The following EVI5 variants were observed in gnomAD, a reference collection of about 807,000 sequenced individuals.
The protein encoded by EVI5 is ecotropic viral integration site 5 protein homolog.
In EVI5, 73 loss-of-function variants were observed where a neutral mutation model predicts 112.0. The observed-to-expected ratio is 0.65, with a 90% CI of 0.54 to 0.79. The LOEUF (loss-of-function observed/expected upper bound fraction) is 0.79, where lower values mean the gene tolerates loss of function less well. EVI5 is among the 30% of genes least tolerant of loss of function. EVI5 has a pLI of 0.00. For synonymous variants in EVI5, 305 were observed against 319.9 expected (o/e 0.95, Z 0.50); for missense variants, 900 against 968.8 (o/e 0.93, Z 0.94).
intron 1 of EVI5, among the ~76,000 whole-genome samples, chr1:92,765,666 G>A (rs1682516930): frequency 1.3e-5 from 2 of 151,994 alleles, no homozygotes; most frequent in South Asian, 4.2e-4. Flanking sequence ...AATTTTGCTG[G>A]ATTCCCTACC....
At chr1:92,548,454 C>G (rs1048390804) in intron 19 of EVI5, among the ~76,000 whole-genome samples, 23 of 152,178 alleles carry the variant, frequency 1.5e-4, no homozygotes, top group African/African-American at 5.3e-4. Flanking sequence ...GGGATGCCCT[C>G]TCACCACTCC....
At chr1:92,706,672 C>T (rs1418662978) in intron 2 of EVI5, among the ~76,000 whole-genome samples, 1 of 152,088 alleles carries the variant, frequency 6.6e-6, no homozygotes, top group Non-Finnish European at 1.5e-5. Flanking sequence ...CAAGTGAATT[C>T]GTGGCATTCG....
intron 18 of EVI5, among the ~76,000 whole-genome samples, chr1:92,589,253 T>G (rs1673314234): frequency 1.3e-5 from 2 of 152,142 alleles, no homozygotes; most frequent in Admixed American, 6.5e-5. Context: ...CACTGGGGAT[T>G]GTCAGACAAG....
At chr1:92,530,209 G>C (rs1409212252) in intron 19 of EVI5, among the ~76,000 whole-genome samples, 1 of 152,178 alleles carries the variant, frequency 6.6e-6, no homozygotes, top group Non-Finnish European at 1.5e-5. Context: ...GTGGTAGCAA[G>C]GCCACTGAGG....
intron 13 of EVI5, among the ~76,000 whole-genome samples, chr1:92,644,786 T>C (rs2101988703): frequency 6.6e-6 from 1 of 152,280 alleles, no homozygotes; most frequent in East Asian, 1.9e-4. Context: ...GACCCATGGG[T>C]AAAAACGTAT....
chr1:92,626,023 T>C, intron 14 of EVI5, 89 bp from the exon 15 acceptor site: 1 of 754,586 alleles, frequency 1.3e-6, no homozygotes, highest in South Asian at 1.9e-5. Flanking sequence ...CACACTTAAA[T>C]GTATTTAATT....
intron 18 of EVI5, among the ~76,000 whole-genome samples, chr1:92,565,181 T>G (rs1336602138): frequency 6.6e-6 from 1 of 152,170 alleles, no homozygotes; most frequent in Non-Finnish European, 1.5e-5. Flanking sequence ...TTTCCTTTCA[T>G]GGAGACAACA....
rs143143171 is a variant in EVI5, at chr1:92,714,222, A to G, written c.150-9478T>C. ...AAAAAGTAATAGCCGCAGTAAAACT[A>G]TGAAAAGAAAAAAGTTTCTTCATAG... On this transcript the variant is annotated intron_variant, in intron 2 of 19. Transcript: ENST00000684568. The G allele has an allele frequency of 4.4e-4, 319 of 722,790 alleles. 5 individuals are homozygous for G. In the East Asian group the frequency reaches 0.031, roughly 71 times the overall value. The allele number at this position is 722,790 out of a possible 1,614,324, so 44.8% of individuals were successfully genotyped here.
At chr1:92,568,997 A>T (rs1412667028) in intron 18 of EVI5, among the ~76,000 whole-genome samples, 1 of 152,140 alleles carries the variant, frequency 6.6e-6, no homozygotes, top group Non-Finnish European at 1.5e-5. Flanking sequence ...AGGGATCAGC[A>T]CCCTTAATCC....
At chr1:92,634,234 C>T (rs1388167741) in intron 14 of EVI5, among the ~76,000 whole-genome samples, 5 of 152,160 alleles carry the variant, frequency 3.3e-5, no homozygotes, top group Non-Finnish European at 7.3e-5. Flanking sequence ...GCCTGCCTTG[C>T]TAGATTGGGG....
intron 16 of EVI5, among the ~76,000 whole-genome samples, chr1:92,614,393 G>A (rs183363288): frequency 6.6e-6 from 1 of 152,148 alleles, no homozygotes; most frequent in African/African-American, 2.4e-5. Context: ...AAAAATATCT[G>A]TGATGGTTAA....
In EVI5 at chr1:92,760,989, C is replaced by T. The variant is rs561422123; in HGVS notation, c.-82+23847G>A. On this transcript the variant is annotated intron_variant, in intron 1 of 19. Transcript: ENST00000684568. The stretch of plus-strand genomic sequence containing the variant: ...AGGAGAATGGCATGAACCCGGGAGG[C>T]GGAGCCTGCAGTGAGCCGAGATAGC... Among the ~76,000 whole-genome samples the T allele has an allele frequency of 1.2e-3, 165 of 138,364 alleles. 1 individual carries two copies. In the South Asian group the frequency reaches 0.02, roughly 17 times the overall value. The allele number at this position is 138,364 out of a possible 152,430, so 90.8% of individuals were successfully genotyped here.
At chr1:92,746,768 G>A (rs943921656) in intron 1 of EVI5, among the ~76,000 whole-genome samples, 3 of 151,876 alleles carry the variant, frequency 2.0e-5, no homozygotes, top group Non-Finnish European at 2.9e-5. Flanking sequence ...ATGGTGGCGT[G>A]TGTCTGTGAT....
intron 19 of EVI5, among the ~76,000 whole-genome samples, chr1:92,535,128 AAAG>A (rs565373888): frequency 1.3e-5 from 2 of 152,202 alleles, no homozygotes; most frequent in South Asian, 4.1e-4. Flanking sequence ...GAACTTCTCA[AAAG>A]AAGAAGTTTA....
chr1:92,673,548 T>C (rs985766930), intron 10 of EVI5, among the ~76,000 whole-genome samples: 1 of 152,098 alleles, frequency 6.6e-6, no homozygotes, highest in African/African-American at 2.4e-5. Flanking sequence ...TCCAGGCTGG[T>C]CTCAAACTCC....
intron 10 of EVI5, among the ~76,000 whole-genome samples, chr1:92,675,138 T>C (rs1446593903): frequency 6.6e-6 from 1 of 151,998 alleles, no homozygotes; most frequent in African/African-American, 2.4e-5. Context: ...CACTCAGGAG[T>C]TCGAGACCAG....
intron 19 of EVI5, among the ~76,000 whole-genome samples, chr1:92,538,584 G>A (rs1664269639): frequency 1.3e-5 from 2 of 152,156 alleles, no homozygotes; most frequent in Admixed American, 1.3e-4. Flanking sequence ...ATGCTGGAAA[G>A]GCAAAGACAA....
chr1:92,769,418 T>C (rs1683072281), intron 1 of EVI5, among the ~76,000 whole-genome samples: 1 of 152,220 alleles, frequency 6.6e-6, no homozygotes, highest in Non-Finnish European at 1.5e-5. Flanking sequence ...TTAAAGTACT[T>C]TGATCTTCTG....
At chr1:92,654,343 A>T (rs564051578) in intron 13 of EVI5, among the ~76,000 whole-genome samples, 4 of 152,188 alleles carry the variant, frequency 2.6e-5, no homozygotes, top group Admixed American at 1.3e-4. Context: ...GATTCTTGAG[A>T]CTTCCGCCAT....
Sources: allele counts gnomAD v4.1 joint callset (sites outside exome capture counted in the v4.1 genomes callset), GRCh38; gene constraint gnomAD v4.1.1; transcripts MANE v1.5; gene names NCBI Gene and HGNC (gene_info 2026-07-23, HGNC 2026-07-21).